Variants in OSBPL9 observed in about 807,000 individuals in gnomAD.
The protein encoded by OSBPL9 is oxysterol-binding protein-related protein 9.
A neutral mutation model predicts 106.6 loss-of-function variants in OSBPL9; 40 were observed. That is an observed-to-expected ratio of 0.38 (90% CI 0.29 to 0.49). OSBPL9 has a LOEUF of 0.49. OSBPL9 is among the 20% of genes least tolerant of loss of function. The probability of loss-of-function intolerance (pLI) is 0.97; values close to 1 mark genes in which losing one functional copy is unlikely to be tolerated. For missense variants in OSBPL9, 609 were observed against 887.2 expected (o/e 0.69, Z 3.98); for synonymous variants, 269 against 295.4 (o/e 0.91, Z 0.92).
chr1:51,781,970 G>A (rs962186418), intron 16 of OSBPL9, among the ~76,000 whole-genome samples: 1 of 152,068 alleles, frequency 6.6e-6, no homozygotes, highest in African/African-American at 2.4e-5. Context: ...TGGGGATGGG[G>A]CTTTCAAAGA....
At chr1:51,627,326 G>A (rs572093893) in intron 1 of OSBPL9, among the ~76,000 whole-genome samples, 8 of 152,172 alleles carry the variant, frequency 5.3e-5, no homozygotes, top group South Asian at 2.1e-4. Flanking sequence ...TATGGAATGA[G>A]GTAAGGGTCC....
chr1:51,730,004 G>A, intron 4 of OSBPL9: 1 of 1,314,676 alleles, frequency 7.6e-7, no homozygotes, highest in South Asian at 3.1e-5. Context: ...CTTGCGGAGT[G>A]AGTAGACCCC....
At chr1:51,577,759 C>A (rs1348920262) in intron 1 of OSBPL9, among the ~76,000 whole-genome samples, 2 of 152,180 alleles carry the variant, frequency 1.3e-5, no homozygotes, top group East Asian at 3.8e-4. Context: ...CTCTTAACAG[C>A]CCTGTGATGA....
chr1:51,674,065 CTTT>C (rs199650810), intron 3 of OSBPL9, among the ~76,000 whole-genome samples: 1 of 133,070 alleles, frequency 7.5e-6, no homozygotes, highest in Non-Finnish European at 1.6e-5. Flanking sequence ...TCTTCTTCTT[CTTT>C]TTTTTTTTTT....
chr1:51,663,295 A>AGTGT (rs10544368), intron 2 of OSBPL9, among the ~76,000 whole-genome samples: 47,307 of 148,544 alleles, frequency 0.32, 7,994 homozygotes, highest in East Asian at 0.68. Flanking sequence ...TATGCTGGCA[A>AGTGT]GTGTGTGTGT....
intron 3 of OSBPL9, among the ~76,000 whole-genome samples, chr1:51,678,639 C>T (rs552133807): frequency 4.6e-5 from 7 of 151,932 alleles, no homozygotes; most frequent in Admixed American, 2.0e-4. Context: ...CCAGCCTGGG[C>T]GACAGAGCAA....
intron 3 of OSBPL9, among the ~76,000 whole-genome samples, chr1:51,679,395 G>T (rs781664145): frequency 6.6e-6 from 1 of 152,146 alleles, no homozygotes; most frequent in South Asian, 2.1e-4. Context: ...TTTGGGAAAA[G>T]TATAAAGTAG....
At chr1:51,634,726 GC>G (rs1324847048) in intron 1 of OSBPL9, among the ~76,000 whole-genome samples, 1 of 152,166 alleles carries the variant, frequency 6.6e-6, no homozygotes, top group South Asian at 2.1e-4. Flanking sequence ...CTGTTCTCAC[GC>G]CGCTGACAGA....
the OSBPL9 span, among the ~76,000 whole-genome samples, chr1:51,527,582 C>T: frequency 6.6e-6 from 1 of 151,908 alleles, no homozygotes; most frequent in Non-Finnish European, 1.5e-5. Flanking sequence ...TTTATAGAGA[C>T]TGGGTCTCAC....
chr1:51,730,885 A>T (rs1453729281), intron 4 of OSBPL9, among the ~76,000 whole-genome samples: 1 of 152,204 alleles, frequency 6.6e-6, no homozygotes, highest in East Asian at 1.9e-4. Context: ...TGTAGTTTTA[A>T]AAGTTTTTAC....
rs140884503 is a variant in OSBPL9, at chr1:51,633,602, TAAATAAAATA to T, written c.111+16406_111+16415del. 8.7e-3 allele frequency among the ~76,000 whole-genome samples: 1,302 copies of T among 149,480 alleles called. 13 individuals are homozygous for T. The highest frequency in any genetic ancestry group is 0.027 in the South Asian group (124 of 4,666). ...CAAGACCCTGTCTCAAAAAATAAAG[TAAATAAAATA>T]AAATAAAATAAAATAAAATAAAATG... On this transcript the variant is annotated intron_variant, in intron 1 of 23. Coordinates refer to ENST00000428468, the MANE Select transcript of OSBPL9 (RefSeq NM_024586.6).
At chr1:51,533,862 T>TTG in the OSBPL9 span, among the ~76,000 whole-genome samples, 2 of 148,378 alleles carry the variant, frequency 1.3e-5, no homozygotes. Flanking sequence ...TTTTTTTTTT[T>TTG]GCAGAGGAAT....
chr1:51,665,827 C>T (rs2148749816), intron 2 of OSBPL9, among the ~76,000 whole-genome samples: 1 of 152,188 alleles, frequency 6.6e-6, no homozygotes, highest in African/African-American at 2.4e-5. Context: ...GTTTCTGCAG[C>T]AGCAACAGGT....
At chr1:51,698,543 A>G (rs1278143541) in intron 3 of OSBPL9, among the ~76,000 whole-genome samples, 20 of 152,122 alleles carry the variant, frequency 1.3e-4, no homozygotes, top group Non-Finnish European at 2.9e-4. Context: ...TGTACTTCTT[A>G]TTGTGGGTCG....
chr1:51,642,761 C>T (rs72896091), intron 1 of OSBPL9, among the ~76,000 whole-genome samples: 19,245 of 152,094 alleles, frequency 0.13, 1,354 homozygotes, highest in Middle Eastern at 0.23. Flanking sequence ...GAAGCTTGGC[C>T]TAGGGAACTG....
the OSBPL9 span, among the ~76,000 whole-genome samples, chr1:51,545,004 T>C: frequency 6.6e-6 from 1 of 151,932 alleles, no homozygotes; most frequent in African/African-American, 2.4e-5. Context: ...CTACCACTCC[T>C]GGCTAATTTT....
intron 1 of OSBPL9, among the ~76,000 whole-genome samples, chr1:51,631,374 C>A (rs1645094211): frequency 6.6e-6 from 1 of 151,962 alleles, no homozygotes; most frequent in East Asian, 1.9e-4. Context: ...GACCCCATCT[C>A]TACAAAAAAC....
intron 3 of OSBPL9, among the ~76,000 whole-genome samples, chr1:51,682,959 C>T (rs1348816695): frequency 6.6e-6 from 1 of 151,690 alleles, no homozygotes; most frequent in Non-Finnish European, 1.5e-5. Context: ...TCACTGCAGC[C>T]TCCGCCTCCC....
chr1:51,711,799 C>T (rs1383856968), intron 3 of OSBPL9, among the ~76,000 whole-genome samples: 1 of 150,742 alleles, frequency 6.6e-6, no homozygotes, highest in Admixed American at 6.6e-5. Flanking sequence ...AGGCGCTCCC[C>T]ACATCTCAGA....
Sources: allele counts gnomAD v4.1 joint callset (sites outside exome capture counted in the v4.1 genomes callset), GRCh38; gene constraint gnomAD v4.1.1; transcripts MANE v1.5; gene names NCBI Gene and HGNC (gene_info 2026-07-23, HGNC 2026-07-21).